Variants in VPS26C observed in about 807,000 individuals in gnomAD.
VPS26C encodes the protein VPS26 endosomal protein sorting factor C.
A neutral mutation model predicts 30.6 loss-of-function variants in VPS26C; 19 were observed. The observed-to-expected ratio is 0.62, with a 90% CI of 0.43 to 0.91. The LOEUF (loss-of-function observed/expected upper bound fraction) is 0.91, where lower values mean the gene tolerates loss of function less well. Among genes scored for constraint, VPS26C ranks in the 40% least tolerant of loss-of-function variants. VPS26C has a pLI of 0.00. For synonymous variants in VPS26C, 132 were observed against 151.5 expected (o/e 0.87, Z 0.95); for missense variants, 318 against 385.1 (o/e 0.83, Z 1.46).
intron 5 of VPS26C, chr21:37,232,103 G>A (rs996291493): frequency 4.1e-5 from 18 of 435,534 alleles, no homozygotes; most frequent in African/African-American, 3.6e-4. Context: ...GGGGTCTTGG[G>A]GGCCCATGAT....
At chr21:37,245,935 T>C (rs2086134249) in intron 1 of VPS26C, among the ~76,000 whole-genome samples, 1 of 151,434 alleles carries the variant, frequency 6.6e-6, no homozygotes, top group South Asian at 2.1e-4. Flanking sequence ...CCACAGAAAA[T>C]AAATTTAAAA....
intron 1 of VPS26C, among the ~76,000 whole-genome samples, chr21:37,243,475 G>T (rs900134297): frequency 6.6e-6 from 1 of 152,162 alleles, no homozygotes; most frequent in African/African-American, 2.4e-5. Flanking sequence ...TGTGGTGTGC[G>T]TGCTCATCAG....
At chr21:37,249,363 A>C (rs2086169200) in intron 1 of VPS26C, among the ~76,000 whole-genome samples, 1 of 152,254 alleles carries the variant, frequency 6.6e-6, no homozygotes, top group South Asian at 2.1e-4. Flanking sequence ...AAAAGATGAC[A>C]GCTGGGTACA....
chr21:37,253,171 T>C (rs2086210871), intron 1 of VPS26C, among the ~76,000 whole-genome samples: 1 of 152,160 alleles, frequency 6.6e-6, no homozygotes, highest in African/African-American at 2.4e-5. Context: ...TGTAACAAAA[T>C]AACAAGATAT....
At chr21:37,266,972 C>A in intron 1 of VPS26C, 1 of 532,986 alleles carries the variant, frequency 1.9e-6, no homozygotes, top group Non-Finnish European at 3.3e-6. Context: ...AAGAGCGCAG[C>A]CCCGGAGCTG....
In VPS26C at chr21:37,229,406, G is replaced by A. The variant is rs2085938905; in HGVS notation, c.508-1033C>T. 3 of 152,212 alleles carry A rather than the reference G, an allele frequency of 2.0e-5. No homozygotes were observed. In the South Asian group the frequency reaches 6.2e-4, roughly 31 times the overall value. The allele number at this position is 152,212 out of a possible 1,614,324, so 9.4% of individuals were successfully genotyped here. On this transcript the variant is annotated intron_variant, in intron 5 of 7. Coordinates refer to ENST00000309117, the MANE Select transcript of VPS26C (RefSeq NM_006052.2). Reference sequence around the variant, plus strand: ...GTGGGCTGTGGGTTGAATGGGCTTGGTCTAGACAGAGACAATTTTTCTAGG... The same window carrying A: ...GTGGGCTGTGGGTTGAATGGGCTTGATCTAGACAGAGACAATTTTTCTAGG...
chr21:37,242,584 T>A (rs1465144997), intron 1 of VPS26C, among the ~76,000 whole-genome samples: 1 of 151,954 alleles, frequency 6.6e-6, no homozygotes, highest in Non-Finnish European at 1.5e-5. Flanking sequence ...AGACCCTGTC[T>A]CAAAAAAAGA....
Position 37,233,464 on chromosome 21 carries a change from A to G in VPS26C, c.352-22T>C. On this transcript the variant is annotated intron_variant, in intron 3 of 7. Transcript: ENST00000309117. The surrounding 1 kb of genome is among the most constrained non-coding windows in gnomAD (Gnocchi z 5.2). ...TATACTAAAGGGGAGAGTTGGAGGA[A>G]AAAAGTTCATTTTAGTGGGATTTGC... 1 of 1,590,106 alleles carries G rather than the reference A, an allele frequency of 6.3e-7. No individual in the cohort carries two copies. Among genetic ancestry groups the G allele is most frequent in the Non-Finnish European group, 8.6e-7 (1 of 1,158,666 alleles).
chr21:37,258,303 C>A (rs1602286977), intron 1 of VPS26C, among the ~76,000 whole-genome samples: 1 of 152,226 alleles, frequency 6.6e-6, no homozygotes, highest in Non-Finnish European at 1.5e-5. Flanking sequence ...ACAGAGACTG[C>A]GCACACAAAG....
intron 4 of VPS26C, 183 bp from the exon 5 acceptor site, chr21:37,232,634 C>CA: frequency 1.6e-6 from 1 of 609,602 alleles, no homozygotes; most frequent in Non-Finnish European, 2.9e-6. Flanking sequence ...TGCTGAAACT[C>CA]AGTTTCCTCA....
intron 1 of VPS26C, among the ~76,000 whole-genome samples, chr21:37,243,732 A>G (rs2086110499): frequency 6.6e-6 from 1 of 152,150 alleles, no homozygotes; most frequent in Admixed American, 6.5e-5. Context: ...ATCCGAGACT[A>G]CAGCCCGCAC....
At chr21:37,247,433 T>G (rs1197538975) in intron 1 of VPS26C, among the ~76,000 whole-genome samples, 2 of 152,120 alleles carry the variant, frequency 1.3e-5, no homozygotes, top group Non-Finnish European at 2.9e-5. Flanking sequence ...AAGATTCAGG[T>G]ACAATAAAAA....
intron 1 of VPS26C, among the ~76,000 whole-genome samples, chr21:37,254,156 C>T (rs2086219669): frequency 6.6e-6 from 1 of 152,138 alleles, no homozygotes; most frequent in Non-Finnish European, 1.5e-5. Flanking sequence ...GTAGAGCCAG[C>T]CCACACTTAT....
intron 1 of VPS26C, chr21:37,260,959 C>A (rs1331677824): frequency 2.6e-5 from 4 of 152,208 alleles, no homozygotes; most frequent in Admixed American, 2.6e-4. Flanking sequence ...CTGATCAATG[C>A]ATTTATAAAA....
chr21:37,255,660 TG>T (rs1178946342), intron 1 of VPS26C, among the ~76,000 whole-genome samples: 1 of 152,110 alleles, frequency 6.6e-6, no homozygotes, highest in Non-Finnish European at 1.5e-5. Flanking sequence ...AGGACAACAG[TG>T]AAGGTCTCCA....
At chr21:37,239,900 G>T (rs2086067636) in intron 2 of VPS26C, among the ~76,000 whole-genome samples, 1 of 152,116 alleles carries the variant, frequency 6.6e-6, no homozygotes, top group African/African-American at 2.4e-5. Flanking sequence ...ACCCAGGTGT[G>T]ATCTTTTTAA....
intron 3 of VPS26C, chr21:37,238,185 C>A: frequency 2.5e-6 from 1 of 406,262 alleles, no homozygotes; most frequent in South Asian, 3.5e-5. Flanking sequence ...AAAAGCATCC[C>A]TTACAATGTG....
At chr21:37,263,460 G>A (rs1476871352) in intron 1 of VPS26C, among the ~76,000 whole-genome samples, 2 of 152,188 alleles carry the variant, frequency 1.3e-5, no homozygotes, top group African/African-American at 2.4e-5. Flanking sequence ...ACTGATCTGA[G>A]TTGGAATCCA....
At chr21:37,235,872 TATATA>T (rs1372353903) in intron 3 of VPS26C, among the ~76,000 whole-genome samples, 7,937 of 89,964 alleles carry the variant, frequency 0.088, 396 homozygotes, top group Admixed American at 0.21. Context: ...TATATATATA[TATATA>T]TATTTTTTTT....
Sources: allele counts gnomAD v4.1 joint callset (sites outside exome capture counted in the v4.1 genomes callset), GRCh38; gene constraint gnomAD v4.1.1; non-coding constraint Gnocchi (gnomAD v3.1); transcripts MANE v1.5; gene names NCBI Gene and HGNC (gene_info 2026-07-23, HGNC 2026-07-21).